Variants in TLK2 observed in about 807,000 individuals in gnomAD.
TLK2 encodes the protein serine/threonine-protein kinase tousled-like 2.
TLK2 carries 6 observed loss-of-function variants against 117.3 expected under a neutral mutation model. The ratio of observed to expected loss-of-function variants is 0.05; its 90% CI spans 0.03 to 0.10. TLK2 has a LOEUF of 0.10. TLK2 is among the 10% of genes least tolerant of loss of function. The pLI is 1.00. For missense variants in TLK2, 299 were observed against 901.2 expected (o/e 0.33, Z 8.56); for synonymous variants, 257 against 316.7 (o/e 0.81, Z 2.00).
At chr17:62,528,477 C>T (rs1416397055) in intron 6 of TLK2, among the ~76,000 whole-genome samples, 4 of 151,982 alleles carry the variant, frequency 2.6e-5, no homozygotes, top group Admixed American at 6.5e-5. Flanking sequence ...AGTGCAGTGG[C>T]GCAATCTTGG....
intron 19 of TLK2, among the ~76,000 whole-genome samples, chr17:62,604,167 G>A (rs2083087497): frequency 6.6e-6 from 1 of 151,928 alleles, no homozygotes; most frequent in South Asian, 2.1e-4. Flanking sequence ...ACCACGCCCA[G>A]CTAATTTTTT....
intron 19 of TLK2, among the ~76,000 whole-genome samples, chr17:62,603,082 A>G (rs898126669): frequency 2.6e-5 from 4 of 152,164 alleles, no homozygotes; most frequent in African/African-American, 7.2e-5. Flanking sequence ...AACACATGTT[A>G]TTTGTACCCT....
chr17:62,551,970 C>T (rs899727528), intron 7 of TLK2: 2 of 340,944 alleles, frequency 5.9e-6, no homozygotes, highest in Non-Finnish European at 1.1e-5. Context: ...CCTTTTCTGA[C>T]TAAAGCATAT....
chr17:62,490,407 G>T (rs1324722159), intron 2 of TLK2, among the ~76,000 whole-genome samples: 2 of 152,158 alleles, frequency 1.3e-5, no homozygotes, highest in East Asian at 1.9e-4. Flanking sequence ...TATCCTGAGG[G>T]TGTAGCCCAT....
At chr17:62,582,567 T>C (rs1180312071) in intron 15 of TLK2, among the ~76,000 whole-genome samples, 1 of 152,216 alleles carries the variant, frequency 6.6e-6, no homozygotes, top group Non-Finnish European at 1.5e-5. Flanking sequence ...TTTCATTCCT[T>C]CTTTCTGCTT....
intron 17 of TLK2, 110 bp from the exon 18 acceptor site, chr17:62,600,541 A>G: frequency 1.1e-6 from 1 of 871,662 alleles, no homozygotes; most frequent in Non-Finnish European, 1.7e-6. Context: ...GGAACAAAGA[A>G]GAAAGGAGTG....
chr17:62,514,207 G>A (rs189461868), intron 2 of TLK2, among the ~76,000 whole-genome samples: 1 of 151,278 alleles, frequency 6.6e-6, no homozygotes, highest in African/African-American at 2.4e-5. Flanking sequence ...GCAGTGGTGC[G>A]ATCTCAGCTT....
At chr17:62,587,067 T>C (rs865927091) in intron 16 of TLK2, among the ~76,000 whole-genome samples, 2 of 151,982 alleles carry the variant, frequency 1.3e-5, no homozygotes, top group Non-Finnish European at 2.9e-5. Flanking sequence ...CTCTATAGAA[T>C]AGTACTAGTG....
chr17:62,557,356 T>C (rs2078936169), intron 9 of TLK2, among the ~76,000 whole-genome samples: 2 of 152,372 alleles, frequency 1.3e-5, no homozygotes, highest in African/African-American at 4.8e-5. Context: ...TTATGAAATA[T>C]GACAAGAAGT....
intron 2 of TLK2, among the ~76,000 whole-genome samples, chr17:62,519,702 G>C (rs1196372757): frequency 6.6e-6 from 1 of 152,012 alleles, no homozygotes; most frequent in African/African-American, 2.4e-5. Context: ...TACTGTGTAT[G>C]GAATTATTTT....
In TLK2 at chr17:62,573,383, A is replaced by C; in HGVS notation, c.1121+16A>C. The C allele has an allele frequency of 1.2e-6, 2 of 1,612,926 alleles. No homozygotes were observed. Among genetic ancestry groups the C allele is most frequent in the East Asian group, 4.5e-5 (2 of 44,832 alleles). ...AAAATGAAACGTATGTTCTTTATTG[A>C]CGTGAACGCTGAGACACCACACCCT... On this transcript the variant is annotated intron_variant, in intron 12 of 21. Coordinates refer to ENST00000346027, the MANE Select transcript of TLK2 (RefSeq NM_006852.6).
chr17:62,597,981 T>C (rs1190579182), intron 17 of TLK2, among the ~76,000 whole-genome samples: 1 of 152,168 alleles, frequency 6.6e-6, no homozygotes. Flanking sequence ...TAGCCAACAG[T>C]CTCAGATATG....
intron 5 of TLK2, among the ~76,000 whole-genome samples, chr17:62,523,970 C>G (rs527800843): frequency 6.6e-6 from 1 of 152,228 alleles, no homozygotes; most frequent in Admixed American, 6.5e-5. Context: ...ATTCTTCTCT[C>G]ATGTCCTTTC....
chr17:62,505,782 C>G (rs2074635799), intron 2 of TLK2, among the ~76,000 whole-genome samples: 1 of 152,168 alleles, frequency 6.6e-6, no homozygotes, highest in African/African-American at 2.4e-5. Context: ...ACCTCCGTCT[C>G]TTGGGCTCAA....
At chr17:62,606,345 A>G (rs1257875449) in intron 20 of TLK2, 104 bp downstream of exon 20, 2 of 545,088 alleles carry the variant, frequency 3.7e-6, no homozygotes, top group Non-Finnish European at 6.1e-6. Context: ...TTATTGGGTT[A>G]TACAAAATAG....
At chr17:62,488,032 C>T (rs1196927950) in intron 2 of TLK2, among the ~76,000 whole-genome samples, 3 of 152,052 alleles carry the variant, frequency 2.0e-5, no homozygotes, top group East Asian at 3.9e-4. Context: ...CTCCACCTCC[C>T]GGGTTCAAGC....
At chr17:62,527,774 C>T (rs1341488604) in intron 6 of TLK2, among the ~76,000 whole-genome samples, 2 of 151,324 alleles carry the variant, frequency 1.3e-5, no homozygotes, top group Non-Finnish European at 2.9e-5. Context: ...CGGAGTTTCG[C>T]TTTTGTTGCC....
intron 7 of TLK2, among the ~76,000 whole-genome samples, chr17:62,543,207 A>G (rs2077661008): frequency 6.6e-6 from 1 of 152,154 alleles, no homozygotes; most frequent in Non-Finnish European, 1.5e-5. Flanking sequence ...AGTAAATAGA[A>G]TCGTTCTTTT....
chr17:62,586,373 T>G (rs924574163), intron 16 of TLK2, 147 bp downstream of exon 16: 1 of 618,856 alleles, frequency 1.6e-6, no homozygotes, highest in African/African-American at 1.8e-5. Context: ...ATTCTCAGTG[T>G]TACGACGAGG....
Sources: gnomAD v4.1 joint callset for allele counts (sites outside exome capture counted in the v4.1 genomes callset) on GRCh38, gnomAD v4.1.1 for gene constraint, MANE v1.5 for transcripts, NCBI Gene and HGNC (gene_info 2026-07-23, HGNC 2026-07-21) for gene names.